SYTL2: variants seen among roughly 807,000 people sequenced by gnomAD.
SYTL2 encodes the protein synaptotagmin like 2.
In SYTL2, 165 loss-of-function variants were observed where a neutral mutation model predicts 198.7. That is an observed-to-expected ratio of 0.83 (90% CI 0.73 to 0.94). The LOEUF is 0.94. Ranked by LOEUF, SYTL2 falls within the 40% of genes least tolerant of loss-of-function variation. SYTL2 has a pLI of 0.00. For missense variants in SYTL2, 2,835 were observed against 2,582.8 expected (o/e 1.10, Z -2.12); for synonymous variants, 966 against 917.7 (o/e 1.05, Z -0.95).
At position 85,696,358 on chromosome 11, in the gene SYTL2, A is replaced by G; in HGVS notation, c.6399T>C (p.Ser2133=). 6.2e-7 allele frequency: 1 copy of G among 1,613,964 alleles called. No homozygotes were observed. Among genetic ancestry groups the G allele is most frequent in the Admixed American group, 1.7e-5 (1 of 60,018 alleles). The part of the protein sequence containing the change: ...CTILPDTSRK[S]RQKTRAVGKT... ...TCCCTACAGCTCTTGTCTTCTGGCG[A>G]CTTTTCCTACTTGTATCTGGAAGGA... Residue 2133 remains serine (S), a synonymous_variant, in exon 19 of 20, where the codon AGT becomes AGC. Coordinates refer to ENST00000359152, the MANE Select transcript of SYTL2 (RefSeq NM_206927.4).
the SYTL2 span, among the ~76,000 whole-genome samples, chr11:85,852,308 A>C: frequency 6.6e-6 from 1 of 152,162 alleles, no homozygotes; most frequent in Non-Finnish European, 1.5e-5. Context: ...AAATGTAACT[A>C]CCAGGACATA....
In SYTL2 at chr11:85,725,514, G is replaced by C; in HGVS notation, c.3844C>G (p.Leu1282Val). Residue 1282 changes from leucine to valine, a missense_variant, in exon 8 of 20, where the codon CTC (leucine) becomes GTC (valine). Leu to Val is a conservative substitution (Grantham distance 32). This residue lies in a region of SYTL2 where 2,645 missense variants were observed against 2,381.7 expected (regional missense o/e 1.11). Coordinates refer to ENST00000359152, the MANE Select transcript of SYTL2 (RefSeq NM_206927.4). Reference sequence around the variant, plus strand: ...TCACCACTTTCAGCTTTCTTGAGGAGAGCTGTATTTCCAAAAGTTTCATCT... The same window carrying C: ...TCACCACTTTCAGCTTTCTTGAGGACAGCTGTATTTCCAAAAGTTTCATCT... ...VRDETFGNTALLKKAESGECQ... is the reference protein window; with the variant it reads ...VRDETFGNTAVLKKAESGECQ... 3 of 1,614,046 alleles carry C rather than the reference G, an allele frequency of 1.9e-6. No homozygotes were observed. The highest frequency in any genetic ancestry group is 1.7e-6 in the Non-Finnish European group (2 of 1,179,962).
At position 85,748,326 on chromosome 11, in the gene SYTL2, G is replaced by A. The variant is rs771322879; in HGVS notation, c.199C>T (p.His67Tyr). 2.5e-6 allele frequency: 4 copies of A among 1,613,970 alleles called. No individual in the cohort carries two copies. In the East Asian group the frequency reaches 6.7e-5, roughly 27 times the overall value. The change falls in exon 3 of 20, where the codon CAT becomes TAT. Residue 67 changes from histidine to tyrosine, a missense_variant. Physicochemically the swap from His to Tyr is moderately conservative, Grantham distance 83 (BLOSUM62 2). Around this residue, in one of 3 missense-constraint regions of SYTL2, gnomAD observed 2,645 missense variants for 2,381.7 expected, o/e 1.11. Coordinates refer to ENST00000359152, the MANE Select transcript of SYTL2 (RefSeq NM_206927.4). ...GATGCTCTGATGATATCTGCGCCAT[G>A]GATTTTGTCCCTGTGCCTTTTTGCC... ...AKAKRHRDKI[H>Y]GADIIRASMR...
At chr11:85,697,496 C>A (rs534715372) in intron 18 of SYTL2, among the ~76,000 whole-genome samples, 119 of 152,120 alleles carry the variant, frequency 7.8e-4, no homozygotes, top group Non-Finnish European at 1.3e-3. Flanking sequence ...GAAGAGTTTG[C>A]CACTTAAAAA....
chr11:85,833,078 AGAAAGAAAGAAAGAAAGAAAGAAGGAAG>A, the SYTL2 span, among the ~76,000 whole-genome samples: 12 of 45,332 alleles, frequency 2.6e-4, no homozygotes, highest in East Asian at 4.4e-4. Context: ...AAAGAAAGAA[AGAAAGAAAGAAAGAAAGAAAGAAGGAAG>A]GAAGGAAGGA....
At chr11:85,833,229 T>C in the SYTL2 span, among the ~76,000 whole-genome samples, 17 of 149,674 alleles carry the variant, frequency 1.1e-4, no homozygotes, top group Non-Finnish European at 3.0e-5. Context: ...AAAAAAATTA[T>C]ATCATATAAC....
chr11:85,705,059 A>T, intron 15 of SYTL2, 31 bp from the exon 16 acceptor site: 1 of 1,550,180 alleles, frequency 6.5e-7, no homozygotes, highest in Non-Finnish European at 8.9e-7. Context: ...TTAAATGATG[A>T]AAAACATTAC....
At chr11:85,802,975 T>C (rs1279188089) in intron 1 of SYTL2, among the ~76,000 whole-genome samples, 3 of 152,206 alleles carry the variant, frequency 2.0e-5, no homozygotes, top group South Asian at 2.1e-4. Context: ...ACATGGACAC[T>C]AGCCAGAAAC....
intron 1 of SYTL2, among the ~76,000 whole-genome samples, chr11:85,761,038 T>C (rs2092081710): frequency 6.6e-6 from 1 of 152,182 alleles, no homozygotes; most frequent in African/African-American, 2.4e-5. Context: ...CTCACTCACT[T>C]GACAAAGATT....
the SYTL2 span, among the ~76,000 whole-genome samples, chr11:85,833,083 G>T: frequency 3.9e-5 from 2 of 50,944 alleles, no homozygotes; most frequent in South Asian, 6.1e-4. Flanking sequence ...AAGAAAGAAA[G>T]AAAGAAAGAA....
intron 2 of SYTL2, among the ~76,000 whole-genome samples, chr11:85,756,498 T>A (rs2091874323): frequency 6.6e-6 from 1 of 152,122 alleles, no homozygotes; most frequent in African/African-American, 2.4e-5. Flanking sequence ...GATTTGATTC[T>A]CACTTCTGAC....
intron 1 of SYTL2, among the ~76,000 whole-genome samples, chr11:85,793,457 A>G (rs1179877560): frequency 6.6e-6 from 1 of 152,232 alleles, no homozygotes; most frequent in Non-Finnish European, 1.5e-5. Flanking sequence ...GAAGGAAATA[A>G]TTTGAGAACT....
At chr11:85,732,769 CA>C (rs1310284752) in intron 7 of SYTL2, among the ~76,000 whole-genome samples, 1 of 152,048 alleles carries the variant, frequency 6.6e-6, no homozygotes, top group African/African-American at 2.4e-5. Context: ...TTTAAAAAAG[CA>C]AACTTGATTG....
intron 1 of SYTL2, among the ~76,000 whole-genome samples, chr11:85,794,335 C>T (rs970223048): frequency 2.0e-5 from 3 of 152,102 alleles, no homozygotes; most frequent in Non-Finnish European, 4.4e-5. Flanking sequence ...CATGCCATTA[C>T]ATCCAGCTAA....
At chr11:85,711,076 G>A (rs200069704) in intron 13 of SYTL2, 37 bp downstream of exon 13, 133 of 1,609,192 alleles carry the variant, frequency 8.3e-5, no homozygotes, top group South Asian at 7.1e-4. Flanking sequence ...GTTCAGAGAC[G>A]CGGAGAGATA....
At chr11:85,781,414 G>C (rs1351760229) in intron 1 of SYTL2, among the ~76,000 whole-genome samples, 2 of 152,014 alleles carry the variant, frequency 1.3e-5, no homozygotes, top group Admixed American at 6.6e-5. Context: ...ATGAGATTAG[G>C]GTGGGGACAC....
At chr11:85,815,446 C>T (rs1168726142), upstream of SYTL2, among the ~76,000 whole-genome samples, 2 of 152,212 alleles carry the variant, frequency 1.3e-5, no homozygotes, top group African/African-American at 4.8e-5. Context: ...TTTGTAAATA[C>T]TGAATATTCT....
intron 7 of SYTL2, among the ~76,000 whole-genome samples, chr11:85,729,293 C>T (rs1159276323): frequency 6.6e-6 from 1 of 152,200 alleles, no homozygotes; most frequent in African/African-American, 2.4e-5. Flanking sequence ...ACACGTTCTT[C>T]TCAGCACCAC....
In SYTL2 at chr11:85,726,400, T is replaced by A. The variant is rs751424128; in HGVS notation, c.2958A>T (p.Arg986Ser). The part of the protein sequence containing the change: ...VYNPSQFENL[R>S]KFWDLEANSN... ...AATTAGCTTCTAAGTCCCAAAACTTTCTCAAATTCTCAAACTGAGAGGGAT... is the reference window on the plus strand; with the variant it reads ...AATTAGCTTCTAAGTCCCAAAACTTACTCAAATTCTCAAACTGAGAGGGAT... The change falls in exon 8 of 20, where the codon AGA (arginine) becomes AGT (serine). Residue 986 changes from arginine (R) to serine (S), a missense_variant. By Grantham distance (110) the Arg-to-Ser change is moderately radical (BLOSUM62 -1). Coordinates refer to ENST00000359152, the MANE Select transcript of SYTL2 (RefSeq NM_206927.4). 6.2e-7 allele frequency: 1 copy of A among 1,613,262 alleles called. No homozygotes were observed. The highest frequency in any genetic ancestry group is 1.1e-5 in the South Asian group (1 of 90,836).
Sources: allele counts gnomAD v4.1 joint callset (sites outside exome capture counted in the v4.1 genomes callset), GRCh38; gene constraint gnomAD v4.1.1; regional missense constraint gnomAD v4.1.1; transcripts MANE v1.5; gene names NCBI Gene and HGNC (gene_info 2026-07-23, HGNC 2026-07-21).